UGT1A7: variants seen among roughly 807,000 people sequenced by gnomAD.
UGT1A7 encodes UDP-glucuronosyltransferase 1A7.
In UGT1A7, 33 loss-of-function variants were observed where a neutral mutation model predicts 45.6. The ratio of observed to expected loss-of-function variants is 0.72; its 90% CI spans 0.55 to 0.97. The LOEUF (loss-of-function observed/expected upper bound fraction) is 0.97. Among genes scored for constraint, UGT1A7 ranks in the 50% least tolerant of loss-of-function variants. The probability of loss-of-function intolerance (pLI) is 0.00; values close to 1 mark genes in which losing one functional copy is unlikely to be tolerated. For synonymous variants in UGT1A7, 274 were observed against 250.6 expected, an observed-to-expected ratio of 1.09 and a Z score of -0.88; for missense variants, 684 against 666.2, an observed-to-expected ratio of 1.03 and a Z score of -0.29.
chr2:233,743,655 C>G (rs367682058), intron 1 of UGT1A7: 8 of 1,367,176 alleles, frequency 5.9e-6, no homozygotes, highest in Non-Finnish European at 7.8e-6. Flanking sequence ...AAGACGTACT[C>G]GAAGGGGTCC....
At position 233,767,942 on chromosome 2, in the gene UGT1A7, T is replaced by A; in HGVS notation, c.1075+6T>A. On this transcript the variant is annotated splice_donor_region_variant and intron_variant, in intron 3 of 4. Transcript: ENST00000373426. ...ACCCCAAAACGATCTGCTTGGTATG[T>A]TGGGCGGATTGGATGTATAGGTCAA... is the stretch of plus-strand genomic sequence containing the variant. 1 of 1,614,210 alleles carries A rather than the reference T, an allele frequency of 6.2e-7. No individual in the cohort carries two copies. The highest frequency in any genetic ancestry group is 1.3e-5 in the African/African-American group (1 of 75,040).
chr2:233,772,281 C>A lies in UGT1A7; in HGVS notation c.1315C>A (p.Arg439Ser). Residue 439 changes from arginine to serine, a missense_variant, in exon 5 of 5, where the codon CGC becomes AGC. By Grantham distance (110) the Arg-to-Ser change is moderately radical. Transcript: ENST00000373426. ...NDKSYKENIMRLSSLHKDRPV... is the reference protein window; with the variant it reads ...NDKSYKENIMSLSSLHKDRPV... ...GTTTAGTTACAAGGAGAACATCATGCGCCTCTCCAGCCTTCACAAGGACCG... is the reference window on the plus strand; with the variant it reads ...GTTTAGTTACAAGGAGAACATCATGAGCCTCTCCAGCCTTCACAAGGACCG... 6.2e-7 allele frequency: 1 copy of A among 1,614,202 alleles called. No individual in the cohort carries two copies. The highest frequency in any genetic ancestry group is 1.7e-5 in the Admixed American group (1 of 60,028).
chr2:233,770,570 A>G (rs1700111359), intron 4 of UGT1A7: 2 of 152,086 alleles, frequency 1.3e-5, no homozygotes. Context: ...AGGCAGGAAA[A>G]TCACTTGAAC....
chr2:233,718,731 G>A lies in UGT1A7; in HGVS notation c.855+35939G>A, dbSNP rs1001779280. On this transcript the variant is annotated intron_variant, in intron 1 of 4. Transcript: ENST00000373426. ...CCAATTACATGCTGATTTGCTAGGT[G>A]GCTCAATGACAAGGTAATTAAGGCG... 17 of 1,611,218 alleles carry A rather than the reference G, an allele frequency of 1.1e-5. No homozygotes were observed. In the Admixed American group the frequency reaches 2.7e-4, roughly 25 times the overall value.
At chr2:233,737,974 T>C (rs1690646890) in intron 1 of UGT1A7, among the ~76,000 whole-genome samples, 1 of 152,114 alleles carries the variant, frequency 6.6e-6, no homozygotes, top group South Asian at 2.1e-4. Flanking sequence ...CTAGATTTAA[T>C]ATGGTTTGGC....
intron 1 of UGT1A7, among the ~76,000 whole-genome samples, chr2:233,762,012 G>T (rs1697937713): frequency 6.6e-6 from 1 of 152,134 alleles, no homozygotes; most frequent in Non-Finnish European, 1.5e-5. Context: ...CCTCCAATGT[G>T]ATTTGTATTT....
intron 1 of UGT1A7, chr2:233,693,408 C>A (rs1198396462): frequency 6.2e-7 from 1 of 1,614,044 alleles, no homozygotes; most frequent in Non-Finnish European, 8.5e-7. Context: ...GACAGGGACA[C>A]CCTGAACTTC....
intron 1 of UGT1A7, chr2:233,747,837 C>A: frequency 1.9e-6 from 3 of 1,613,500 alleles, no homozygotes; most frequent in African/African-American, 1.3e-5. Flanking sequence ...GACATTCCTG[C>A]AAAGGGTCAA....
intron 1 of UGT1A7, among the ~76,000 whole-genome samples, chr2:233,735,780 G>A (rs1327428740): frequency 7.9e-5 from 12 of 152,112 alleles, no homozygotes; most frequent in Admixed American, 6.5e-4. Context: ...GCTTACTTTG[G>A]CTGCATATGA....
chr2:233,756,820 AG>A, intron 1 of UGT1A7, among the ~76,000 whole-genome samples: 1 of 152,190 alleles, frequency 6.6e-6, no homozygotes, highest in African/African-American at 2.4e-5. Context: ...CTCAATTCCA[AG>A]GGGAAAATGA....
chr2:233,719,170 T>G, intron 1 of UGT1A7: 1 of 1,614,246 alleles, frequency 6.2e-7, no homozygotes, highest in Non-Finnish European at 8.5e-7. Flanking sequence ...ATGGCAATTA[T>G]GAACAATGTA....
chr2:233,717,356 G>A (rs1181500345), intron 1 of UGT1A7, among the ~76,000 whole-genome samples: 1 of 152,158 alleles, frequency 6.6e-6, no homozygotes, highest in Admixed American at 6.5e-5. Flanking sequence ...CCTCCCCTGG[G>A]GAGTTCTCAA....
rs563417082 is a variant in UGT1A7, at chr2:233,769,495, G to C, written c.1295+1056G>C. ...TGTGTGTGTGCGTGTGTTTATGAGA[G>C]TGTCCATTGCTTTCTCCCATGGTTA... is the stretch of plus-strand genomic sequence containing the variant. On this transcript the variant is annotated intron_variant, in intron 4 of 4. Transcript: ENST00000373426. The surrounding 1 kb of genome is among the most constrained non-coding windows in gnomAD (Gnocchi z 4.4). 1.4e-5 allele frequency: 23 copies of C among 1,612,758 alleles called. No individual in the cohort carries two copies. The South Asian group carries it at 2.2e-4, about 15-fold the overall frequency.
chr2:233,724,527 T>C (rs2077276576), intron 1 of UGT1A7, among the ~76,000 whole-genome samples: 1 of 105,076 alleles, frequency 9.5e-6, no homozygotes, highest in Non-Finnish European at 1.9e-5. Flanking sequence ...AGATGGGGTC[T>C]CGCCGGGCAG....
At chr2:233,705,262 T>C (rs2075837578) in intron 1 of UGT1A7, among the ~76,000 whole-genome samples, 1 of 152,150 alleles carries the variant, frequency 6.6e-6, no homozygotes, top group Admixed American at 6.5e-5. Flanking sequence ...TTCTATGGGG[T>C]CACTTGCTTT....
chr2:233,728,960 A>T, intron 1 of UGT1A7: 1 of 1,448,658 alleles, frequency 6.9e-7, no homozygotes, highest in Non-Finnish European at 9.2e-7. Context: ...CACAGTGAAA[A>T]ACAGTGATAG....
rs180748838 is a variant in UGT1A7, at chr2:233,756,669, G to A, written c.856-10365G>A. ...AACATGGGATGCAGTGATTATTTCC[G>A]CTAGAACTGCTATATAATGACGATG... On this transcript the variant is annotated intron_variant, in intron 1 of 4. Transcript: ENST00000373426. 6.9e-4 allele frequency among the ~76,000 whole-genome samples: 105 copies of A among 152,198 alleles called. No homozygotes were observed. In the South Asian group the frequency reaches 9.1e-3, roughly 13 times the overall value.
intron 1 of UGT1A7, among the ~76,000 whole-genome samples, chr2:233,724,089 A>G (rs1195577143): frequency 1.0e-5 from 1 of 98,852 alleles, no homozygotes; most frequent in Non-Finnish European, 1.9e-5. Flanking sequence ...GGGGCTCCTC[A>G]CTTCCCAGTA....
chr2:233,737,663 G>T (rs918279158), intron 1 of UGT1A7, among the ~76,000 whole-genome samples: 2 of 152,176 alleles, frequency 1.3e-5, no homozygotes, highest in African/African-American at 2.4e-5. Context: ...GCTGCAGATC[G>T]GAGCTGTTCC....
Sources: gnomAD v4.1 joint callset for allele counts (sites outside exome capture counted in the v4.1 genomes callset) on GRCh38, gnomAD v4.1.1 for gene constraint, Gnocchi (gnomAD v3.1) non-coding constraint, MANE v1.5 for transcripts, NCBI Gene and HGNC (gene_info 2026-07-23, HGNC 2026-07-21) for gene names.